LOX: variants seen among roughly 807,000 people sequenced by gnomAD.
The protein encoded by LOX is protein-lysine 6-oxidase.
In LOX, 12 loss-of-function variants were observed where a neutral mutation model predicts 50.5. That is an observed-to-expected ratio of 0.24 (90% CI 0.15 to 0.38). The LOEUF is 0.38. Among genes scored for constraint, LOX ranks in the 10% least tolerant of loss-of-function variants. LOX has a pLI of 1.00. For missense variants in LOX, 504 were observed against 563.8 expected (o/e 0.89, Z 1.07); for synonymous variants, 254 against 230.6 (o/e 1.10, Z -0.92).
chr5:122,078,125 C>T lies in LOX; in HGVS notation c.-140G>A. On this transcript the variant is annotated 5_prime_UTR_variant, in exon 1 of 7. Coordinates refer to ENST00000231004, the MANE Select transcript of LOX (RefSeq NM_002317.7). ...CACGGGTATCTCAGTCTCCACCAAG[C>T]AATGCCAAGGGTGGGATTCAGACCC... The T allele has an allele frequency of 1.3e-6, 1 of 741,702 alleles. No individual in the cohort carries two copies. The highest frequency in any genetic ancestry group is 2.0e-6 in the Non-Finnish European group (1 of 511,056). 45.9% of individuals were successfully genotyped at this position (741,702 alleles called of 1,614,324 possible).
At chr5:122,070,630 G>A in intron 4 of LOX, 41 bp from the exon 5 acceptor site, 1 of 1,041,264 alleles carries the variant, frequency 9.6e-7, no homozygotes, top group Non-Finnish European at 1.5e-6. Flanking sequence ...TATGGTATGT[G>A]GTCAGACTAT....
Position 122,077,938 on chromosome 5 carries a change from G to A in LOX, c.48C>T (p.Cys16=). ...CGGGAGGGGCGCAGTGCACTAGCGC[G>A]CAGAGCTGCAAAGGCCCGAGCAGGA... The part of the protein sequence containing the change: ...TVLLLGPLQL[C]ALVHCAPPAA... Residue 16 remains cysteine, a synonymous_variant, in exon 1 of 7, where the codon TGC becomes TGT. Coordinates refer to ENST00000231004, the MANE Select transcript of LOX (RefSeq NM_002317.7). The surrounding 1 kb of genome is among the most constrained non-coding windows in gnomAD (Gnocchi z 4.9). 2 of 1,499,548 alleles carry A rather than the reference G, an allele frequency of 1.3e-6. No individual in the cohort carries two copies. The highest frequency in any genetic ancestry group is 1.5e-5 in the African/African-American group (1 of 68,102). The allele number at this position is 1,499,548 out of a possible 1,614,324, so 92.9% of individuals were successfully genotyped here. A position where few individuals can be genotyped will look rare whatever the true frequency, so the allele number is the denominator to read the frequency against.
rs550270238 is a variant in LOX, at chr5:122,076,808, C to T, written c.740+85G>A. On this transcript the variant is annotated intron_variant, in intron 2 of 6. Coordinates refer to ENST00000231004, the MANE Select transcript of LOX (RefSeq NM_002317.7). ...TCCCACTTCCTAACACTTGTCTGCG[C>T]GAAGCAGTAGCAGTCAGAACCAGGC... 2.4e-5 allele frequency: 28 copies of T among 1,190,606 alleles called. No homozygotes were observed. In the East Asian group the frequency reaches 6.1e-4, roughly 26 times the overall value. 73.8% of individuals were successfully genotyped at this position (1,190,606 alleles called of 1,614,324 possible). A position where few individuals can be genotyped will look rare whatever the true frequency, so the allele number is the denominator to read the frequency against.
In LOX at chr5:122,063,573, G is replaced by A. The variant is rs1754222412; in HGVS notation, c.*3170C>T. The A allele has an allele frequency of 6.6e-6, 1 of 151,824 alleles. No individual in the cohort carries two copies. The highest frequency in any genetic ancestry group is 6.6e-5 in the Admixed American group (1 of 15,210). 9.4% of individuals were successfully genotyped at this position (151,824 alleles called of 1,614,324 possible). ...TGTTTAAAAGTGGCCCAGGAATTTT[G>A]GTAGCTAGGAATGAGACTTAACTCA... On this transcript the variant is annotated 3_prime_UTR_variant, in exon 7 of 7. Coordinates refer to ENST00000231004, the MANE Select transcript of LOX (RefSeq NM_002317.7).
In LOX at chr5:122,066,682, A is replaced by G. The variant is rs553115860; in HGVS notation, c.*61T>C. The G allele has an allele frequency of 1.4e-6, 2 of 1,433,876 alleles. No homozygotes were observed. Among genetic ancestry groups the G allele is most frequent in the Non-Finnish European group, 2.0e-6 (2 of 1,023,924 alleles). The allele number at this position is 1,433,876 out of a possible 1,614,324, so 88.8% of individuals were successfully genotyped here. A position where few individuals can be genotyped will look rare whatever the true frequency, so the allele number is the denominator to read the frequency against. On this transcript the variant is annotated 3_prime_UTR_variant, in exon 7 of 7. Coordinates refer to ENST00000231004, the MANE Select transcript of LOX (RefSeq NM_002317.7). ...ACATAAATCCTACTGAAGTTAGTCT[A>G]TTTTTTCCCACTTCAGAACACCAGG...
At chr5:122,075,041 T>C (rs1413207715) in intron 3 of LOX, among the ~76,000 whole-genome samples, 1 of 152,232 alleles carries the variant, frequency 6.6e-6, no homozygotes, top group Non-Finnish European at 1.5e-5. Context: ...TTCTGAATGC[T>C]TGTGATAAAA....
chr5:122,075,293 A>C (rs1300327656), intron 3 of LOX, 111 bp downstream of exon 3: 1 of 941,894 alleles, frequency 1.1e-6, no homozygotes, highest in Admixed American at 2.6e-5. Context: ...AAATATAAGT[A>C]ATAGCAATTT....
chr5:122,071,876 T>C (rs956897781), intron 4 of LOX, among the ~76,000 whole-genome samples: 9 of 152,260 alleles, frequency 5.9e-5, no homozygotes, highest in African/African-American at 2.2e-4. Flanking sequence ...TGTGCTGTCA[T>C]AGAGCACACA....
rs1160620249 is a variant in LOX, at chr5:122,078,233, G to A, written c.-248C>T. 4.9e-6 allele frequency: 2 copies of A among 407,086 alleles called. No homozygotes were observed. The highest frequency in any genetic ancestry group is 4.3e-6 in the Non-Finnish European group (1 of 234,198). 25.2% of individuals were successfully genotyped at this position (407,086 alleles called of 1,614,324 possible). A position where few individuals can be genotyped will look rare whatever the true frequency, so the allele number is the denominator to read the frequency against. On this transcript the variant is annotated 5_prime_UTR_variant, in exon 1 of 7. Transcript: ENST00000231004. ...CCTGGAAGGCAACGGGGAGCGGCGC[G>A]GCAGTCCCGGAGAGCGGGCAGTGTC...
chr5:122,070,184 A>G lies in LOX; in HGVS notation c.1132-16T>C, dbSNP rs759412397. The G allele has an allele frequency of 8.9e-6, 12 of 1,354,576 alleles. No homozygotes were observed. Among genetic ancestry groups the G allele is most frequent in the South Asian group, 1.2e-5 (1 of 85,786 alleles). The allele number at this position is 1,354,576 out of a possible 1,614,324, so 83.9% of individuals were successfully genotyped here. Reference sequence around the variant, plus strand: ...TTACACTGACCTGGGCAACACAAAGAGTTCCTCAGTATTTCTTTTTCCATA... The same window carrying G: ...TTACACTGACCTGGGCAACACAAAGGGTTCCTCAGTATTTCTTTTTCCATA... On this transcript the variant is annotated splice_polypyrimidine_tract_variant and intron_variant, in intron 5 of 6. Transcript: ENST00000231004.
chr5:122,075,913 T>C (rs1023570058), intron 2 of LOX: 1 of 153,578 alleles, frequency 6.5e-6, no homozygotes, highest in African/African-American at 2.4e-5. Context: ...AATCCCCCAA[T>C]AAAAAAAATA....
rs768853538 is a variant in LOX at position 122,075,513 on chromosome 5, A to G, written c.769T>C (p.Tyr257His). ...STAYRADVRDYDHRVLLRFPQ... is the reference protein window; with the variant it reads ...STAYRADVRDHDHRVLLRFPQ... ...AATCTGAGCAGCACCCTGTGATCAT[A>G]ATCTCTGACATCTGCCCTGTATGCT... The change falls in exon 3 of 7, where the codon TAT becomes CAT. Residue 257 changes from tyrosine to histidine, a missense_variant. Physicochemically the swap from Tyr to His is moderately conservative, Grantham distance 83. This residue lies in a region of LOX where 398 missense variants were observed against 365.8 expected (regional missense o/e 1.09). Coordinates refer to ENST00000231004, the MANE Select transcript of LOX (RefSeq NM_002317.7). The G allele has an allele frequency of 5.6e-6, 9 of 1,611,944 alleles. No individual in the cohort carries two copies. Among genetic ancestry groups the G allele is most frequent in the South Asian group, 4.4e-5 (4 of 90,634 alleles).
intron 4 of LOX, among the ~76,000 whole-genome samples, chr5:122,071,613 G>A (rs1357127038): frequency 6.6e-6 from 1 of 152,176 alleles, no homozygotes; most frequent in African/African-American, 2.4e-5. Context: ...TCAGATTGGA[G>A]TCTGTAGGTA....
Position 122,077,878 on chromosome 5 carries a change from C to G in LOX, c.108G>C (p.Pro36=), listed in dbSNP as rs949918933. The part of the protein sequence containing the change: ...AGQQQPPREP[P]AAPGAWRQQI... ...GCTGGCGCCAGGCGCCCGGAGCCGC[C>G]GGCGGCTCGCGCGGGGGCTGCTGTT... is the stretch of plus-strand genomic sequence containing the variant. Residue 36 remains proline, a synonymous_variant, in exon 1 of 7, where the codon CCG becomes CCC. Transcript: ENST00000231004. This position sits in a 1 kb window ranked among gnomAD's most constrained non-coding sequence, Gnocchi z 4.9. 6.5e-6 allele frequency: 10 copies of G among 1,535,408 alleles called. No individual in the cohort carries two copies. Among genetic ancestry groups the G allele is most frequent in the Non-Finnish European group, 8.7e-6 (10 of 1,146,758 alleles).
Position 122,077,745 on chromosome 5 carries a change from T to C in LOX, c.241A>G (p.Asn81Asp), listed in dbSNP as rs1754683901. The change falls in exon 1 of 7, where the codon AAC (asparagine) becomes GAC (aspartate). Residue 81 changes from asparagine to aspartate, a missense_variant. Asn to Asp is a conservative substitution (Grantham distance 23). This residue lies in a region of LOX where 398 missense variants were observed against 365.8 expected (regional missense o/e 1.09). Coordinates refer to ENST00000231004, the MANE Select transcript of LOX (RefSeq NM_002317.7). The surrounding 1 kb of genome is among the most constrained non-coding windows in gnomAD (Gnocchi z 4.9). Reference sequence around the variant, plus strand: ...GTGCGGGGCTGCTGGGCGGAGGCGTTGGCTGCACCAGGGACGGCGGCGCCC... The same window carrying C: ...GTGCGGGGCTGCTGGGCGGAGGCGTCGGCTGCACCAGGGACGGCGGCGCCC... ...DPGAAVPGAANASAQQPRTPI... is the reference protein window; with the variant it reads ...DPGAAVPGAADASAQQPRTPI... 27 of 1,567,664 alleles carry C rather than the reference T, an allele frequency of 1.7e-5. No individual in the cohort carries two copies. Among genetic ancestry groups the C allele is most frequent in the Non-Finnish European group, 2.1e-5 (24 of 1,161,424 alleles).
rs936489981 is a variant in LOX at position 122,065,623 on chromosome 5, G to C, written c.*1120C>G. The C allele has an allele frequency of 2.0e-5, 3 of 151,940 alleles. No homozygotes were observed. Among genetic ancestry groups the C allele is most frequent in the South Asian group, 4.2e-4 (2 of 4,816 alleles). The allele number at this position is 151,940 out of a possible 1,614,324, so 9.4% of individuals were successfully genotyped here. A position where few individuals can be genotyped will look rare whatever the true frequency, so the allele number is the denominator to read the frequency against. On this transcript the variant is annotated 3_prime_UTR_variant, in exon 7 of 7. Transcript: ENST00000231004. ...GACTATATCTCAGACACACACACAT[G>C]TGTGACTGATTCCTGAATAACCCAG...
chr5:122,077,266 GGCCCGCCGC>G lies in LOX; in HGVS notation c.631+80_631+88del, dbSNP rs1754665691. ...GAGGGATCGGATCTGCGAGGACCGG[GGCCCGCCGC>G]GCCCAGGCAGCCACGTCGAGAAGCC... is the stretch of plus-strand genomic sequence containing the variant. On this transcript the variant is annotated intron_variant, in intron 1 of 6. Transcript: ENST00000231004. This position sits in a 1 kb window ranked among gnomAD's most constrained non-coding sequence, Gnocchi z 4.9. 1.3e-6 allele frequency: 2 copies of G among 1,569,686 alleles called. No homozygotes were observed. Among genetic ancestry groups the G allele is most frequent in the East Asian group, 4.6e-5 (2 of 43,408 alleles).
chr5:122,064,112 C>A lies in LOX; in HGVS notation c.*2631G>T, dbSNP rs1414860061. On this transcript the variant is annotated 3_prime_UTR_variant, in exon 7 of 7. Coordinates refer to ENST00000231004, the MANE Select transcript of LOX (RefSeq NM_002317.7). ...TCTGAAATTATGTTCCTATTTAGTC[C>A]ATTTTCTGTCTTTTTTAGTGTAAAA... 1 of 151,756 alleles carries A rather than the reference C, an allele frequency of 6.6e-6. No homozygotes were observed. Among genetic ancestry groups the A allele is most frequent in the Non-Finnish European group, 1.5e-5 (1 of 67,832 alleles). The allele number at this position is 151,756 out of a possible 1,614,324, so 9.4% of individuals were successfully genotyped here. A position where few individuals can be genotyped will look rare whatever the true frequency, so the allele number is the denominator to read the frequency against.
intron 4 of LOX, among the ~76,000 whole-genome samples, chr5:122,073,587 A>T (rs1248852201): frequency 6.6e-6 from 1 of 152,232 alleles, no homozygotes; most frequent in Non-Finnish European, 1.5e-5. Flanking sequence ...AAGCCGGTTA[A>T]GGAATACAGA....
Sources: gnomAD v4.1 joint callset for allele counts (sites outside exome capture counted in the v4.1 genomes callset) on GRCh38, gnomAD v4.1.1 for gene constraint, gnomAD v4.1.1 regional missense constraint, Gnocchi (gnomAD v3.1) non-coding constraint, MANE v1.5 for transcripts, NCBI Gene and HGNC (gene_info 2026-07-23, HGNC 2026-07-21) for gene names.